MDGA2: variants seen among roughly 807,000 people sequenced by gnomAD.
MDGA2 encodes the protein MAM domain-containing glycosylphosphatidylinositol anchor protein 2.
MDGA2 carries 40 observed loss-of-function variants against 117.8 expected under a neutral mutation model. The observed-to-expected ratio is 0.34, with a 90% CI of 0.26 to 0.44. The LOEUF (loss-of-function observed/expected upper bound fraction) is 0.44, where lower values mean the gene tolerates loss of function less well. Ranked by LOEUF, MDGA2 falls within the 20% of genes least tolerant of loss-of-function variation. The pLI, the probability that MDGA2 is intolerant of heterozygous loss-of-function variation, is 1.00. For missense variants in MDGA2, 1,123 were observed against 1,250.6 expected, an observed-to-expected ratio of 0.90 and a Z score of 1.54; for synonymous variants, 452 against 439.0, an observed-to-expected ratio of 1.03 and a Z score of -0.37.
intron 6 of MDGA2, among the ~76,000 whole-genome samples, chr14:47,064,293 T>A (rs2138802209): frequency 6.6e-6 from 1 of 151,976 alleles, no homozygotes; most frequent in South Asian, 2.1e-4. Context: ...TGACACAGAA[T>A]CTAAAGGGAA....
chr14:47,532,069 C>T (rs576661830), intron 1 of MDGA2, among the ~76,000 whole-genome samples: 1 of 152,146 alleles, frequency 6.6e-6, no homozygotes, highest in Non-Finnish European at 1.5e-5. Context: ...AAGTCTTTCA[C>T]ATAATTTGAG....
chr14:47,061,796 T>G (rs1213820383), intron 6 of MDGA2, among the ~76,000 whole-genome samples: 1 of 152,054 alleles, frequency 6.6e-6, no homozygotes, highest in Admixed American at 6.6e-5. Context: ...CTGTGAACAC[T>G]GATTTTTATA....
intron 10 of MDGA2, among the ~76,000 whole-genome samples, chr14:46,902,618 G>A (rs1354160772): frequency 6.6e-6 from 1 of 152,138 alleles, no homozygotes; most frequent in Non-Finnish European, 1.5e-5. Context: ...GCATAGCATT[G>A]TATTGATGCA....
At chr14:47,488,052 G>T (rs1232372376) in intron 1 of MDGA2, among the ~76,000 whole-genome samples, 2 of 152,000 alleles carry the variant, frequency 1.3e-5, no homozygotes, top group Admixed American at 1.3e-4. Flanking sequence ...CACAGCCCTG[G>T]GGCTCTCTGG....
chr14:46,933,852 A>G (rs1234707020), intron 9 of MDGA2, among the ~76,000 whole-genome samples: 1 of 99,952 alleles, frequency 1.0e-5, no homozygotes, highest in Non-Finnish European at 2.1e-5. Flanking sequence ...ATATATATAT[A>G]CTTTTCTTGG....
intron 3 of MDGA2, among the ~76,000 whole-genome samples, chr14:47,214,915 A>G (rs917454267): frequency 1.8e-4 from 28 of 152,276 alleles, no homozygotes; most frequent in Middle Eastern, 3.4e-3. Context: ...GGCAGATTTT[A>G]GAGACAATCT....
chr14:47,566,058 G>C (rs1895912937), intron 1 of MDGA2, among the ~76,000 whole-genome samples: 2 of 152,224 alleles, frequency 1.3e-5, no homozygotes, highest in African/African-American at 4.8e-5. Context: ...ACATCCACAT[G>C]CCAGCAGGGA....
intron 1 of MDGA2, among the ~76,000 whole-genome samples, chr14:47,560,090 C>T (rs1230741696): frequency 1.3e-5 from 2 of 150,348 alleles, no homozygotes; most frequent in African/African-American, 4.9e-5. Context: ...TTTTTTTAGA[C>T]GGAGTCTCGT....
At chr14:47,159,106 A>T (rs1411150466) in intron 3 of MDGA2, among the ~76,000 whole-genome samples, 1 of 152,208 alleles carries the variant, frequency 6.6e-6, no homozygotes, top group Non-Finnish European at 1.5e-5. Flanking sequence ...TGTGATACTA[A>T]AATGGTGGAT....
At chr14:47,127,606 A>C (rs577044064) in intron 5 of MDGA2, among the ~76,000 whole-genome samples, 1 of 152,150 alleles carries the variant, frequency 6.6e-6, no homozygotes. Flanking sequence ...TTTTGCAGTG[A>C]ACATCAATCA....
chr14:47,423,303 A>T (rs888756855), intron 1 of MDGA2, among the ~76,000 whole-genome samples: 1 of 152,200 alleles, frequency 6.6e-6, no homozygotes, highest in Non-Finnish European at 1.5e-5. Context: ...CTGTGAGTTA[A>T]CTTTTTTCCT....
chr14:46,905,311 C>A (rs145491524), intron 10 of MDGA2, among the ~76,000 whole-genome samples: 18 of 152,126 alleles, frequency 1.2e-4, no homozygotes, highest in African/African-American at 4.3e-4. Flanking sequence ...TTCTTGAAAC[C>A]TGTGACAAAA....
At chr14:46,910,043 G>C (rs976810616) in intron 10 of MDGA2, among the ~76,000 whole-genome samples, 2 of 147,858 alleles carry the variant, frequency 1.4e-5, no homozygotes, top group African/African-American at 5.3e-5. Flanking sequence ...ATCTCAATAA[G>C]AGTTAATTTT....
At chr14:47,078,449 T>C (rs1271287720) in intron 6 of MDGA2, among the ~76,000 whole-genome samples, 1 of 152,136 alleles carries the variant, frequency 6.6e-6, no homozygotes, top group Non-Finnish European at 1.5e-5. Flanking sequence ...ATAAAAAACA[T>C]GGAGCTAGAA....
rs186125679 is a variant in MDGA2 at position 47,170,325 on chromosome 14, A to G, written c.596-26051T>C. 2.7e-3 allele frequency among the ~76,000 whole-genome samples: 416 copies of G among 152,292 alleles called. 3 individuals are homozygous for G. The highest frequency in any genetic ancestry group is 9.8e-3 in the African/African-American group (406 of 41,576). ...TTGAAATGCTTACTTGAAACAACTG[A>G]TAATGAGGAAATAAATCATAATAAC... On this transcript the variant is annotated intron_variant, in intron 3 of 16. Transcript: ENST00000399232.
At chr14:47,634,263 A>T (rs1406085469) in intron 1 of MDGA2, among the ~76,000 whole-genome samples, 1 of 152,182 alleles carries the variant, frequency 6.6e-6, no homozygotes. Flanking sequence ...CATCAAATGC[A>T]GCCCTTAAAA....
intron 1 of MDGA2, among the ~76,000 whole-genome samples, chr14:47,343,928 A>G (rs1890705323): frequency 6.6e-6 from 1 of 152,124 alleles, no homozygotes; most frequent in Non-Finnish European, 1.5e-5. Context: ...TCAACAACGG[A>G]ATCTACTACT....
chr14:47,626,614 C>G (rs1242142367), intron 1 of MDGA2: 1 of 152,382 alleles, frequency 6.6e-6, no homozygotes, highest in Non-Finnish European at 1.5e-5. Flanking sequence ...AGCGCGAGTT[C>G]CGGGTGGGCG....
intron 1 of MDGA2, among the ~76,000 whole-genome samples, chr14:47,533,841 A>C (rs939923429): frequency 6.6e-6 from 1 of 152,224 alleles, no homozygotes; most frequent in African/African-American, 2.4e-5. Context: ...GGTCCCAAAT[A>C]TCTATTTGTT....
Sources: gnomAD v4.1 joint callset for allele counts (sites outside exome capture counted in the v4.1 genomes callset) on GRCh38, gnomAD v4.1.1 for gene constraint, MANE v1.5 for transcripts, NCBI Gene and HGNC (gene_info 2026-07-23, HGNC 2026-07-21) for gene names.